The following SLC44A1 variants were observed in gnomAD, a reference collection of about 807,000 sequenced individuals.
SLC44A1 encodes solute carrier family 44 member 1, also known as choline transporter-like protein 1.
SLC44A1 carries 26 observed loss-of-function variants against 79.3 expected under a neutral mutation model. The observed-to-expected ratio is 0.33, with a 90% CI of 0.24 to 0.46. The LOEUF (loss-of-function observed/expected upper bound fraction) is 0.46. Among genes scored for constraint, SLC44A1 ranks in the 20% least tolerant of loss-of-function variants. The pLI is 1.00. For synonymous variants in SLC44A1, 263 were observed against 286.2 expected (o/e 0.92, Z 0.82); for missense variants, 688 against 798.1 (o/e 0.86, Z 1.66).
intron 2 of SLC44A1, among the ~76,000 whole-genome samples, chr9:105,306,804 T>A (rs1309754658): frequency 2.6e-5 from 4 of 152,134 alleles, no homozygotes; most frequent in Admixed American, 2.6e-4. Flanking sequence ...TAAAGGTATC[T>A]GTAACACAAT....
chr9:105,372,023 T>TG (rs546485839), intron 12 of SLC44A1, among the ~76,000 whole-genome samples: 77 of 152,322 alleles, frequency 5.1e-4, no homozygotes, highest in African/African-American at 1.8e-3. Flanking sequence ...AAAAAACACT[T>TG]GGACCACTGC....
chr9:105,251,610 A>G (rs1355858578), intron 1 of SLC44A1, among the ~76,000 whole-genome samples: 1 of 152,054 alleles, frequency 6.6e-6, no homozygotes, highest in African/African-American at 2.4e-5. Context: ...CCATCTCTCT[A>G]TAGGGTCACC....
intron 3 of SLC44A1, among the ~76,000 whole-genome samples, chr9:105,334,654 C>A (rs1203867597): frequency 6.6e-6 from 1 of 152,180 alleles, no homozygotes; most frequent in African/African-American, 2.4e-5. Flanking sequence ...CGTGTTATTG[C>A]ACTTAGCTTA....
intron 1 of SLC44A1, among the ~76,000 whole-genome samples, chr9:105,265,688 A>G (rs772996179): frequency 3.3e-5 from 5 of 152,236 alleles, no homozygotes; most frequent in Non-Finnish European, 7.3e-5. Context: ...GAATCTGCCA[A>G]ACTGTTTTCC....
intron 13 of SLC44A1, among the ~76,000 whole-genome samples, chr9:105,375,246 G>T (rs1464769024): frequency 6.6e-6 from 1 of 152,194 alleles, no homozygotes; most frequent in Non-Finnish European, 1.5e-5. Flanking sequence ...CCCCATGTCG[G>T]CCAGGCTGGT....
chr9:105,351,553 A>G (rs1388104011), intron 5 of SLC44A1, among the ~76,000 whole-genome samples: 15 of 109,678 alleles, frequency 1.4e-4, no homozygotes, highest in African/African-American at 2.3e-4. Context: ...AGAAAGAAAG[A>G]AAGAGAGAAA....
intron 15 of SLC44A1, among the ~76,000 whole-genome samples, chr9:105,426,754 G>C (rs1829327181): frequency 6.6e-6 from 1 of 151,728 alleles, no homozygotes; most frequent in Non-Finnish European, 1.5e-5. Flanking sequence ...AAATGAGTAA[G>C]TAAACAGGAT....
At chr9:105,363,412 C>T (rs764857784) in intron 9 of SLC44A1, among the ~76,000 whole-genome samples, 4 of 151,892 alleles carry the variant, frequency 2.6e-5, no homozygotes, top group Non-Finnish European at 4.4e-5. Flanking sequence ...CAGGTCAGGA[C>T]GCCTGCCTTG....
At position 105,393,261 on chromosome 9, in the gene SLC44A1, G is replaced by A. The variant is rs147606692; in HGVS notation, c.*4205G>A. On this transcript the variant is annotated 3_prime_UTR_variant, in exon 16 of 16. Coordinates refer to ENST00000374720, the MANE Select transcript of SLC44A1 (RefSeq NM_080546.5). The stretch of plus-strand genomic sequence containing the variant: ...GAATGCATGTTAGCCCTTTTGAAAA[G>A]TAGGCACTATTCATACACAGTAGCT... 1.2e-3 allele frequency: 1,154 copies of A among 985,414 alleles called. 14 individuals are homozygous for A. In the African/African-American group the frequency reaches 0.019, roughly 16 times the overall value. The allele number at this position is 985,414 out of a possible 1,614,324, so 61.0% of individuals were successfully genotyped here.
At chr9:105,251,808 T>C (rs1367450233) in intron 1 of SLC44A1, among the ~76,000 whole-genome samples, 1 of 152,204 alleles carries the variant, frequency 6.6e-6, no homozygotes, top group Non-Finnish European at 1.5e-5. Flanking sequence ...GAAAAGCCTT[T>C]TCTGATCCCT....
At chr9:105,336,768 G>A (rs1367587109) in intron 4 of SLC44A1, among the ~76,000 whole-genome samples, 1 of 152,318 alleles carries the variant, frequency 6.6e-6, no homozygotes, top group South Asian at 2.1e-4. Context: ...GAGGACTGCA[G>A]CCTCCCAGGC....
intron 4 of SLC44A1, among the ~76,000 whole-genome samples, chr9:105,338,599 C>A (rs553725220): frequency 1.3e-5 from 2 of 152,104 alleles, no homozygotes; most frequent in African/African-American, 4.8e-5. Context: ...ACTTATATGG[C>A]AGTGAGGTAT....
At position 105,382,784 on chromosome 9, in the gene SLC44A1, A is replaced by G. The variant is rs914789196; in HGVS notation, c.1633-339A>G. On this transcript the variant is annotated intron_variant, in intron 13 of 15. Coordinates refer to ENST00000374720, the MANE Select transcript of SLC44A1 (RefSeq NM_080546.5). ...TATCACTTTTTTTCTGAGTGCTAAG[A>G]GTTTGTAAATTTTTTCTAAAATATG... Among the ~76,000 whole-genome samples the G allele has an allele frequency of 2.0e-5, 3 of 152,150 alleles. No individual in the cohort carries two copies. The East Asian group carries it at 5.8e-4, about 29-fold the overall frequency.
chr9:105,429,457 C>T (rs1196499908), intron 15 of SLC44A1, among the ~76,000 whole-genome samples: 1 of 152,132 alleles, frequency 6.6e-6, no homozygotes, highest in South Asian at 2.1e-4. Flanking sequence ...TATGTGCCAC[C>T]GTGCCTGGCT....
intron 13 of SLC44A1, among the ~76,000 whole-genome samples, chr9:105,375,348 G>A (rs1354695622): frequency 2.6e-5 from 4 of 152,138 alleles, no homozygotes; most frequent in Non-Finnish European, 5.9e-5. Flanking sequence ...CCCTCTTTAC[G>A]TGTTTTGAAC....
intron 2 of SLC44A1, among the ~76,000 whole-genome samples, chr9:105,306,204 C>G (rs1323773963): frequency 1.3e-5 from 2 of 152,132 alleles, no homozygotes. Flanking sequence ...AGATTGCTTC[C>G]TACTCCATGC....
At chr9:105,257,192 G>A (rs1210223601) in intron 1 of SLC44A1, among the ~76,000 whole-genome samples, 1 of 152,068 alleles carries the variant, frequency 6.6e-6, no homozygotes, top group East Asian at 1.9e-4. Flanking sequence ...CGCATCCCGG[G>A]TTCAAGCGAG....
Position 105,392,323 on chromosome 9 carries a change from G to A in SLC44A1, c.*3267G>A. 2 of 984,116 alleles carry A rather than the reference G, an allele frequency of 2.0e-6. No individual in the cohort carries two copies. The highest frequency in any genetic ancestry group is 2.4e-6 in the Non-Finnish European group (2 of 829,504). The allele number at this position is 984,116 out of a possible 1,614,324, so 61.0% of individuals were successfully genotyped here. A position where few individuals can be genotyped will look rare whatever the true frequency, so the allele number is the denominator to read the frequency against. On this transcript the variant is annotated 3_prime_UTR_variant, in exon 16 of 16. Transcript: ENST00000374720. ...CCCAAACTTTTTCTATAATGGTTAA[G>A]GAGGAGGCACTTACTGAGTTTATTT... is the stretch of plus-strand genomic sequence containing the variant.
At position 105,406,136 on chromosome 9, in the gene SLC44A1, T is replaced by G. The variant is rs927950023; in HGVS notation, c.1950+20634T>G. Reference sequence around the variant, plus strand: ...GACTGGAAGGTGATCTCTTTTTTTTTGTGGCTCCAGGTATTTAAGGAAAAC... The same window carrying G: ...GACTGGAAGGTGATCTCTTTTTTTTGGTGGCTCCAGGTATTTAAGGAAAAC... On this transcript the variant is annotated intron_variant, in intron 15 of 15. Coordinates refer to the SLC44A1 transcript ENST00000374724. Among the ~76,000 whole-genome samples, 3 of 152,148 alleles carry G rather than the reference T, an allele frequency of 2.0e-5. No homozygotes were observed. The East Asian group carries it at 5.8e-4, about 29-fold the overall frequency.
Sources: gnomAD v4.1 joint callset for allele counts (sites outside exome capture counted in the v4.1 genomes callset) on GRCh38, gnomAD v4.1.1 for gene constraint, MANE v1.5 for transcripts, NCBI Gene and HGNC (gene_info 2026-07-23, HGNC 2026-07-21) for gene names.